The following ZNF248 variants were observed in gnomAD, a reference collection of about 807,000 sequenced individuals.
ZNF248 encodes KRAB protein domain.
Under a neutral mutation model 44.3 loss-of-function variants are expected in ZNF248, and 20 were observed. The ratio of observed to expected loss-of-function variants is 0.45; its 90% CI spans 0.32 to 0.66. The LOEUF (loss-of-function observed/expected upper bound fraction) is 0.66, where lower values mean the gene tolerates loss of function less well. Among genes scored for constraint, ZNF248 ranks in the 30% least tolerant of loss-of-function variants. The pLI is 0.04. For missense variants in ZNF248, 654 were observed against 677.0 expected (o/e 0.97, Z 0.38); for synonymous variants, 224 against 229.0 (o/e 0.98, Z 0.20).
chr10:37,832,308 T>C lies in ZNF248; in HGVS notation c.1047A>G (p.Gly349=). ...LLKHQIVHMG[G]KSYDYNENGS... ...CATTTTCATTGTAATCATAAGACTT[T>C]CCCCCCATGTGTACTATTTGATGTT... Residue 349 remains glycine, a synonymous_variant, in exon 6 of 6, where the codon GGA becomes GGG. Coordinates refer to ENST00000395867, the MANE Select transcript of ZNF248 (RefSeq NM_021045.3). 1 of 1,613,970 alleles carries C rather than the reference T, an allele frequency of 6.2e-7. No homozygotes were observed. The highest frequency in any genetic ancestry group is 1.1e-5 in the South Asian group (1 of 91,070).
intron 6 of ZNF248, among the ~76,000 whole-genome samples, chr10:37,779,695 T>C (rs1317138936): frequency 6.6e-6 from 1 of 151,608 alleles, no homozygotes; most frequent in African/African-American, 2.4e-5. Context: ...AAATAAAGGG[T>C]ATTCAATTAA....
intron 6 of ZNF248, among the ~76,000 whole-genome samples, chr10:37,808,274 TTTTC>T (rs1365729586): frequency 6.7e-6 from 1 of 148,524 alleles, no homozygotes; most frequent in Non-Finnish European, 1.5e-5. Context: ...ATATAACCTT[TTTTC>T]TTTTTTTTTT....
intron 6 of ZNF248, among the ~76,000 whole-genome samples, chr10:37,789,923 G>A (rs2048302105): frequency 6.6e-6 from 1 of 152,162 alleles, no homozygotes; most frequent in Non-Finnish European, 1.5e-5. Context: ...AGTAGGAAGT[G>A]GATGAATGAA....
chr10:37,833,139 C>T (rs780554499), intron 5 of ZNF248, 23 bp from the exon 6 acceptor site: 3 of 1,558,956 alleles, frequency 1.9e-6, no homozygotes, highest in East Asian at 4.5e-5. Context: ...AAAATAACCA[C>T]ATCTTATGAA....
At chr10:37,778,869 G>C (rs2046934756) in intron 6 of ZNF248, among the ~76,000 whole-genome samples, 1 of 152,122 alleles carries the variant, frequency 6.6e-6, no homozygotes, top group Non-Finnish European at 1.5e-5. Flanking sequence ...ACTACCATCA[G>C]AGAATACTAC....
chr10:37,803,156 A>G (rs1019278022), intron 6 of ZNF248: 1 of 152,188 alleles, frequency 6.6e-6, no homozygotes, highest in Non-Finnish European at 1.5e-5. Flanking sequence ...TGCCACTAAC[A>G]AATGAAATGA....
chr10:37,839,500 T>C lies in ZNF248; in HGVS notation c.16-1389A>G, dbSNP rs936098244. Reference sequence around the variant, plus strand: ...TCTCAAGACACCTCTTATACATGTATACACAAACACACACACACACACACA... The same window carrying C: ...TCTCAAGACACCTCTTATACATGTACACACAAACACACACACACACACACA... On this transcript the variant is annotated intron_variant, in intron 3 of 5. Coordinates refer to ENST00000395867, the MANE Select transcript of ZNF248 (RefSeq NM_021045.3). Among the ~76,000 whole-genome samples, 6 of 139,300 alleles carry C rather than the reference T, an allele frequency of 4.3e-5. No individual in the cohort carries two copies. In the East Asian group the frequency reaches 1.4e-3, roughly 32 times the overall value. The allele number at this position is 139,300 out of a possible 152,430, so 91.4% of individuals were successfully genotyped here.
chr10:37,817,778 G>A (rs926695007), intron 6 of ZNF248, among the ~76,000 whole-genome samples: 5 of 152,014 alleles, frequency 3.3e-5, no homozygotes, highest in Non-Finnish European at 5.9e-5. Context: ...TTTTCCCCCC[G>A]AAGTCAAACA....
intron 6 of ZNF248, among the ~76,000 whole-genome samples, chr10:37,813,490 C>A (rs2051894839): frequency 6.6e-6 from 1 of 152,118 alleles, no homozygotes; most frequent in Non-Finnish European, 1.5e-5. Context: ...AGACTGACTC[C>A]TCCTCTCCCT....
At chr10:37,849,856 A>T (rs910820540) in intron 3 of ZNF248, among the ~76,000 whole-genome samples, 2 of 152,148 alleles carry the variant, frequency 1.3e-5, no homozygotes, top group African/African-American at 4.8e-5. Context: ...GTGGATCACA[A>T]GGTCAGGAGT....
At chr10:37,823,701 G>T (rs567635355) in intron 6 of ZNF248, among the ~76,000 whole-genome samples, 160 of 152,096 alleles carry the variant, frequency 1.1e-3, no homozygotes, top group African/African-American at 3.6e-3. Context: ...AGCCTCCTGA[G>T]TACCTAGGGC....
chr10:37,806,627 A>G (rs975638059), intron 6 of ZNF248, among the ~76,000 whole-genome samples: 2 of 151,892 alleles, frequency 1.3e-5, no homozygotes, highest in African/African-American at 4.8e-5. Context: ...TTATCTATAT[A>G]TTCTGAATAT....
downstream of ZNF248, among the ~76,000 whole-genome samples, chr10:37,824,745 G>A (rs559688673): frequency 4.4e-5 from 6 of 135,662 alleles, no homozygotes; most frequent in African/African-American, 5.7e-5. Flanking sequence ...GGAGCGGCGC[G>A]ATCTCGGCTC....
chr10:37,851,768 CAA>C (rs57501241), intron 3 of ZNF248, among the ~76,000 whole-genome samples: 48 of 32,048 alleles, frequency 1.5e-3, no homozygotes, highest in African/African-American at 5.9e-3. Context: ...TCAGAATGAC[CAA>C]AAAAAAAAAA....
chr10:37,758,941 A>C, the ZNF248 span, among the ~76,000 whole-genome samples: 4 of 152,310 alleles, frequency 2.6e-5, no homozygotes, highest in East Asian at 7.7e-4. Context: ...CTTATTCTTT[A>C]TCTCTCAGTT....
At chr10:37,824,110 G>A (rs1260626752), downstream of ZNF248, among the ~76,000 whole-genome samples, 1 of 152,116 alleles carries the variant, frequency 6.6e-6, no homozygotes, top group Non-Finnish European at 1.5e-5. Flanking sequence ...AGCAAACTCG[G>A]GGCCCAGGAG....
intron 6 of ZNF248, among the ~76,000 whole-genome samples, chr10:37,781,385 T>A (rs1485203467): frequency 6.6e-6 from 1 of 152,232 alleles, no homozygotes; most frequent in Non-Finnish European, 1.5e-5. Context: ...GCCATCTTGT[T>A]GGCTGTTACC....
At chr10:37,808,199 A>G (rs912280747) in intron 6 of ZNF248, among the ~76,000 whole-genome samples, 4 of 151,454 alleles carry the variant, frequency 2.6e-5, no homozygotes, top group African/African-American at 9.7e-5. Flanking sequence ...ACAGAAATAA[A>G]CAGAAAAAAA....
chr10:37,795,326 C>T (rs890782556), intron 6 of ZNF248: 1 of 152,082 alleles, frequency 6.6e-6, no homozygotes, highest in Non-Finnish European at 1.5e-5. Context: ...AGAGGCTCTC[C>T]CCTGTATGTG....
Sources: allele counts gnomAD v4.1 joint callset (sites outside exome capture counted in the v4.1 genomes callset), GRCh38; gene constraint gnomAD v4.1.1; transcripts MANE v1.5; gene names NCBI Gene and HGNC (gene_info 2026-07-23, HGNC 2026-07-21).